Variants in MAF observed in about 807,000 individuals in gnomAD.
MAF encodes the protein transcription factor Maf.
MAF carries 10 observed loss-of-function variants against 22.0 expected under a neutral mutation model. The ratio of observed to expected loss-of-function variants is 0.45; its 90% CI spans 0.28 to 0.77. The LOEUF (loss-of-function observed/expected upper bound fraction) is 0.77. MAF is among the 30% of genes least tolerant of loss of function. The pLI is 0.12. For missense variants in MAF, 544 were observed against 548.4 expected, an observed-to-expected ratio of 0.99 and a Z score of 0.08; for synonymous variants, 337 against 255.8, an observed-to-expected ratio of 1.32 and a Z score of -3.03.
At chr16:79,254,439 T>C in the MAF span, among the ~76,000 whole-genome samples, 11 of 152,240 alleles carry the variant, frequency 7.2e-5, no homozygotes, top group Non-Finnish European at 1.5e-4. Context: ...TAAGCATTTG[T>C]TTGCAATTTT....
chr16:79,586,592 T>C (rs990644009), intron 1 of MAF, among the ~76,000 whole-genome samples: 1 of 152,216 alleles, frequency 6.6e-6, no homozygotes, highest in African/African-American at 2.4e-5. Flanking sequence ...TTAAAGAAAA[T>C]CTTTTTGCTT....
At chr16:79,318,577 G>A in the MAF span, among the ~76,000 whole-genome samples, 1 of 152,224 alleles carries the variant, frequency 6.6e-6, no homozygotes, top group African/African-American at 2.4e-5. Context: ...GTCGGCAGAT[G>A]ATTTACTGCT....
chr16:79,507,798 A>G, the MAF span, among the ~76,000 whole-genome samples: 1 of 152,230 alleles, frequency 6.6e-6, no homozygotes, highest in East Asian at 1.9e-4. Context: ...AGTCACTGCA[A>G]TAAGGGTTGC....
the MAF span, among the ~76,000 whole-genome samples, chr16:79,215,252 T>C: frequency 2.0e-5 from 3 of 152,092 alleles, no homozygotes; most frequent in Non-Finnish European, 2.9e-5. Context: ...CACCATCTTT[T>C]TTCCTTTTAA....
At chr16:79,565,506 T>TG in the MAF span, among the ~76,000 whole-genome samples, 14,583 of 149,084 alleles carry the variant, frequency 0.098, 711 homozygotes, top group Middle Eastern at 0.13. Context: ...TCACGTGTTG[T>TG]GGGGGGGGGG....
chr16:79,526,031 G>C, the MAF span, among the ~76,000 whole-genome samples: 1 of 152,168 alleles, frequency 6.6e-6, no homozygotes, highest in African/African-American at 2.4e-5. Context: ...CTTAATTTAC[G>C]AGTAAGAATA....
chr16:79,433,888 A>G, the MAF span, among the ~76,000 whole-genome samples: 1 of 152,196 alleles, frequency 6.6e-6, no homozygotes, highest in African/African-American at 2.4e-5. Context: ...TCGCACTCCT[A>G]CATAGCAATG....
At chr16:79,226,359 C>T in the MAF span, among the ~76,000 whole-genome samples, 1 of 151,954 alleles carries the variant, frequency 6.6e-6, no homozygotes, top group African/African-American at 2.4e-5. Flanking sequence ...AGGGTAACAT[C>T]ACATACCAGG....
At chr16:79,389,178 C>A in the MAF span, among the ~76,000 whole-genome samples, 1 of 152,112 alleles carries the variant, frequency 6.6e-6, no homozygotes, top group Non-Finnish European at 1.5e-5. Flanking sequence ...ATGGTCAGAC[C>A]CCACTCAACT....
At chr16:79,396,974 T>C in the MAF span, among the ~76,000 whole-genome samples, 2 of 152,188 alleles carry the variant, frequency 1.3e-5, no homozygotes, top group Non-Finnish European at 2.9e-5. Flanking sequence ...TGCACAAATA[T>C]CTACCATGCT....
chr16:79,260,219 T>C, the MAF span, among the ~76,000 whole-genome samples: 8 of 152,326 alleles, frequency 5.3e-5, no homozygotes, highest in East Asian at 5.8e-4. Context: ...GGTGCAGTCG[T>C]GGCTTACTGA....
chr16:79,459,270 G>A, the MAF span, among the ~76,000 whole-genome samples: 1 of 152,154 alleles, frequency 6.6e-6, no homozygotes, highest in Non-Finnish European at 1.5e-5. Context: ...CAAGAATCCT[G>A]ATTCCATTTT....
the MAF span, among the ~76,000 whole-genome samples, chr16:79,322,864 A>T: frequency 6.6e-6 from 1 of 151,954 alleles, no homozygotes; most frequent in Non-Finnish European, 1.5e-5. Flanking sequence ...TCAATAGGCA[A>T]TTGGGGCCGG....
chr16:79,298,015 A>C, the MAF span, among the ~76,000 whole-genome samples: 9 of 152,254 alleles, frequency 5.9e-5, no homozygotes, highest in African/African-American at 2.2e-4. Flanking sequence ...GTAATTAGCA[A>C]GGTCCAGTGC....
chr16:79,557,399 AG>A, the MAF span, among the ~76,000 whole-genome samples: 1 of 151,996 alleles, frequency 6.6e-6, no homozygotes, highest in African/African-American at 2.4e-5. Flanking sequence ...GTAGAGGGGA[AG>A]CAAAAACAGC....
At chr16:79,294,245 C>T in the MAF span, among the ~76,000 whole-genome samples, 3 of 152,214 alleles carry the variant, frequency 2.0e-5, no homozygotes, top group East Asian at 1.9e-4. Context: ...TTCTTGATAT[C>T]CTTCCTCTTA....
the MAF span, among the ~76,000 whole-genome samples, chr16:79,573,604 G>C: frequency 6.6e-6 from 1 of 152,220 alleles, no homozygotes; most frequent in South Asian, 2.1e-4. Context: ...TCAGCACCAT[G>C]TTCATTTTCT....
chr16:79,348,963 G>T, the MAF span, among the ~76,000 whole-genome samples: 19 of 152,114 alleles, frequency 1.2e-4, no homozygotes, highest in Non-Finnish European at 2.2e-4. Context: ...ACCCTCTTGT[G>T]TGCCCACCAT....
chr16:79,453,780 T>C, the MAF span, among the ~76,000 whole-genome samples: 6 of 152,194 alleles, frequency 3.9e-5, no homozygotes, highest in Non-Finnish European at 1.5e-5. Flanking sequence ...AGCCCATATT[T>C]ATTGGAGACT....
Sources: allele counts gnomAD v4.1 joint callset (sites outside exome capture counted in the v4.1 genomes callset), GRCh38; gene constraint gnomAD v4.1.1; transcripts MANE v1.5; gene names NCBI Gene and HGNC (gene_info 2026-07-23, HGNC 2026-07-21).